Variants in ARHGEF11 observed in about 807,000 individuals in gnomAD.
ARHGEF11 encodes Rho guanine exchange factor (GEF) 11.
Under a neutral mutation model 193.7 loss-of-function variants are expected in ARHGEF11, and 55 were observed. That is an observed-to-expected ratio of 0.28 (90% CI 0.23 to 0.36). The LOEUF (loss-of-function observed/expected upper bound fraction) is 0.36, where lower values mean the gene tolerates loss of function less well. Among genes scored for constraint, ARHGEF11 ranks in the 10% least tolerant of loss-of-function variants. ARHGEF11 has a pLI of 1.00. For missense variants in ARHGEF11, 1,723 were observed against 2,005.6 expected, an observed-to-expected ratio of 0.86 and a Z score of 2.69; for synonymous variants, 693 against 768.0, an observed-to-expected ratio of 0.90 and a Z score of 1.62.
chr1:157,001,916 T>G (rs1238128172), intron 1 of ARHGEF11, among the ~76,000 whole-genome samples: 2 of 152,228 alleles, frequency 1.3e-5, no homozygotes, highest in Non-Finnish European at 2.9e-5. Context: ...GCACTTAATT[T>G]GACTCACAAT....
rs554322046 is a variant in ARHGEF11 at position 156,955,877 on chromosome 1, C to A, written c.1672-78G>T. The A allele has an allele frequency of 2.7e-6, 3 of 1,112,106 alleles. No homozygotes were observed. In the African/African-American group the frequency reaches 4.6e-5, roughly 17 times the overall value. The allele number at this position is 1,112,106 out of a possible 1,614,324, so 68.9% of individuals were successfully genotyped here. On this transcript the variant is annotated intron_variant, in intron 19 of 40. Transcript: ENST00000368194. ...GGCTGCTAATCAATTCTGCCACTGT[C>A]CCCCAAGGCTGGCCCTCAGCAAGTA...
At chr1:157,019,829 G>C (rs1057280840) in intron 1 of ARHGEF11, among the ~76,000 whole-genome samples, 5 of 152,192 alleles carry the variant, frequency 3.3e-5, no homozygotes, top group African/African-American at 1.2e-4. Flanking sequence ...TGAGAGAAAG[G>C]AGGCAAGTAG....
chr1:156,939,738 C>T lies in ARHGEF11; in HGVS notation c.3906G>A (p.Gly1302=), dbSNP rs200157601. Residue 1302 remains glycine, a synonymous_variant, in exon 37 of 41, where the codon GGG becomes GGA. Transcript: ENST00000368194. ...SPGQAPPGGE[G]DNTQLAGLEG... is the part of the protein sequence containing the mutation. ...CCAGCCCTGCAAGCTGGGTGTTGTCCCCTTCACCCCCAGGGGGTGCTTGCC... is the reference window on the plus strand; with the variant it reads ...CCAGCCCTGCAAGCTGGGTGTTGTCTCCTTCACCCCCAGGGGGTGCTTGCC... 1 of 1,614,116 alleles carries T rather than the reference C, an allele frequency of 6.2e-7. No homozygotes were observed. The highest frequency in any genetic ancestry group is 8.5e-7 in the Non-Finnish European group (1 of 1,180,004).
At chr1:157,041,006 G>A (rs1351686487) in intron 1 of ARHGEF11, among the ~76,000 whole-genome samples, 1 of 152,182 alleles carries the variant, frequency 6.6e-6, no homozygotes, top group African/African-American at 2.4e-5. Context: ...AGGTCACATA[G>A]TTAAGGGGAA....
At chr1:157,039,859 T>C (rs1672516247) in intron 1 of ARHGEF11, among the ~76,000 whole-genome samples, 1 of 152,154 alleles carries the variant, frequency 6.6e-6, no homozygotes, top group African/African-American at 2.4e-5. Context: ...TATCAGAACA[T>C]TAAAGCAGCA....
Position 156,944,025 on chromosome 1 carries a change from T to C in ARHGEF11, c.3145A>G (p.Ser1049Gly). The C allele has an allele frequency of 6.2e-7, 1 of 1,614,178 alleles. No individual in the cohort carries two copies. Among genetic ancestry groups the C allele is most frequent in the Non-Finnish European group, 8.5e-7 (1 of 1,180,012 alleles). Residue 1049 changes from serine (S) to glycine (G), a missense_variant, in exon 32 of 41, where the codon AGC becomes GGC. By Grantham distance (56) the Ser-to-Gly change is moderately conservative (BLOSUM62 0). Around this residue, in one of 5 missense-constraint regions of ARHGEF11, gnomAD observed 491 missense variants for 654.5 expected, o/e 0.75. Transcript: ENST00000368194. ...QDEKLLLKCH[S>G]KTAVGSSDSK... ...TCTGAGGAGCCCACAGCAGTCTTGC[T>C]GTGGCACTTCAGCAATAGCTTCTCA...
intron 1 of ARHGEF11, among the ~76,000 whole-genome samples, chr1:157,018,602 G>C (rs1408161575): frequency 3.3e-5 from 5 of 150,510 alleles, no homozygotes; most frequent in Non-Finnish European, 7.4e-5. Flanking sequence ...CCGAGATCGT[G>C]CCACTGCACT....
chr1:156,937,245 T>C lies in ARHGEF11; in HGVS notation c.4440+4A>G, dbSNP rs1655636151. 1 of 1,613,232 alleles carries C rather than the reference T, an allele frequency of 6.2e-7. No individual in the cohort carries two copies. Among genetic ancestry groups the C allele is most frequent in the East Asian group, 2.2e-5 (1 of 44,870 alleles). On this transcript the variant is annotated splice_donor_region_variant and intron_variant, in intron 39 of 40. Coordinates refer to ENST00000368194, the MANE Select transcript of ARHGEF11 (RefSeq NM_198236.3). Reference sequence around the variant, plus strand: ...TGCAGGGACCCAAGCCCTGCTTCCCTCACCTTGAGCCTGTTGAGCTTGAGA... The same window carrying C: ...TGCAGGGACCCAAGCCCTGCTTCCCCCACCTTGAGCCTGTTGAGCTTGAGA...
chr1:156,962,018 G>A (rs555893352), intron 13 of ARHGEF11, among the ~76,000 whole-genome samples: 13 of 152,200 alleles, frequency 8.5e-5, no homozygotes, highest in Non-Finnish European at 1.5e-4. Context: ...TGGGGTCAGA[G>A]TATTTCAGAA....
chr1:156,986,829 GA>G (rs1664990134), intron 1 of ARHGEF11, among the ~76,000 whole-genome samples: 1 of 152,196 alleles, frequency 6.6e-6, no homozygotes, highest in African/African-American at 2.4e-5. Flanking sequence ...ACACTTTCTA[GA>G]AAAGACAGTA....
chr1:156,975,847 T>C (rs1181340159), intron 7 of ARHGEF11, among the ~76,000 whole-genome samples: 1 of 152,232 alleles, frequency 6.6e-6, no homozygotes. Context: ...ATTGTCTTGG[T>C]ACCTTTGTTG....
intron 3 of ARHGEF11, among the ~76,000 whole-genome samples, chr1:156,980,833 CGGG>C (rs60219718): frequency 0.013 from 437 of 33,672 alleles, 13 homozygotes; most frequent in African/African-American, 0.034. Context: ...AGTTATATTC[CGGG>C]GGGGGGGGGG....
intron 1 of ARHGEF11, among the ~76,000 whole-genome samples, chr1:156,988,413 C>T (rs1028592577): frequency 6.6e-5 from 10 of 152,200 alleles, no homozygotes; most frequent in African/African-American, 2.2e-4. Flanking sequence ...TCTATGACTG[C>T]ACAGGGCTAT....
intron 1 of ARHGEF11, among the ~76,000 whole-genome samples, chr1:157,004,008 G>A (rs1034775028): frequency 3.3e-5 from 5 of 152,264 alleles, no homozygotes; most frequent in African/African-American, 9.6e-5. Context: ...TTCATCTAGC[G>A]TTTCTCTACC....
At chr1:157,015,889 T>G (rs889426488) in intron 1 of ARHGEF11, among the ~76,000 whole-genome samples, 27 of 152,190 alleles carry the variant, frequency 1.8e-4, no homozygotes, top group Admixed American at 1.2e-3. Flanking sequence ...CACTTTGCTA[T>G]TATGGTCCCT....
At chr1:157,037,196 G>T (rs571951275) in intron 1 of ARHGEF11, among the ~76,000 whole-genome samples, 1 of 152,008 alleles carries the variant, frequency 6.6e-6, no homozygotes, top group African/African-American at 2.4e-5. Context: ...CTACCAAAAC[G>T]TCTTGGGAAT....
intron 7 of ARHGEF11, among the ~76,000 whole-genome samples, chr1:156,976,703 G>A (rs1480059930): frequency 6.6e-6 from 1 of 151,950 alleles, no homozygotes; most frequent in Admixed American, 6.6e-5. Context: ...CCCTTCCTTG[G>A]AAATGTCCCA....
In ARHGEF11 at chr1:156,944,165, G is replaced by A. The variant is rs916685341; in HGVS notation, c.3068-63C>T. The A allele has an allele frequency of 5.1e-6, 8 of 1,569,928 alleles. No homozygotes were observed. The East Asian group carries it at 1.6e-4, about 31-fold the overall frequency. ...CCTACTCATCCCTCATGAGCACAAT[G>A]CAGGGCCACAGGCTCTTGGAGGCTC... On this transcript the variant is annotated intron_variant, in intron 31 of 40. Coordinates refer to ENST00000368194, the MANE Select transcript of ARHGEF11 (RefSeq NM_198236.3).
intron 11 of ARHGEF11, 107 bp from the exon 12 acceptor site, chr1:156,963,701 C>A (rs1048509208): frequency 4.6e-5 from 70 of 1,513,624 alleles, no homozygotes; most frequent in Non-Finnish European, 2.0e-5. Context: ...CAAAGCCACC[C>A]GGGTCTGGTG....
Sources: allele counts gnomAD v4.1 joint callset (sites outside exome capture counted in the v4.1 genomes callset), GRCh38; gene constraint gnomAD v4.1.1; regional missense constraint gnomAD v4.1.1; transcripts MANE v1.5; gene names NCBI Gene and HGNC (gene_info 2026-07-23, HGNC 2026-07-21).